ARPP21: variants seen among roughly 807,000 people sequenced by gnomAD.
ARPP21 encodes the protein cAMP-regulated phosphoprotein 21.
A neutral mutation model predicts 113.2 loss-of-function variants in ARPP21; 69 were observed. That is an observed-to-expected ratio of 0.61 (90% confidence interval 0.50 to 0.74). The LOEUF (loss-of-function observed/expected upper bound fraction) is 0.74. ARPP21 is among the 30% of genes least tolerant of loss of function. The pLI, the probability that ARPP21 is intolerant of heterozygous loss-of-function variation, is 0.00. For missense variants in ARPP21, 1,070 were observed against 1,037.4 expected (o/e 1.03, Z -0.43); for synonymous variants, 368 against 375.5 (o/e 0.98, Z 0.23).
At chr3:35,784,160 A>G (rs1435775034) in intron 19 of ARPP21, among the ~76,000 whole-genome samples, 1 of 152,222 alleles carries the variant, frequency 6.6e-6, no homozygotes, top group Non-Finnish European at 1.5e-5. Flanking sequence ...TTTTATACCA[A>G]GTGGCAAGAA....
intron 19 of ARPP21, among the ~76,000 whole-genome samples, chr3:35,746,645 T>C (rs2095073293): frequency 6.6e-6 from 1 of 152,334 alleles, no homozygotes; most frequent in East Asian, 1.9e-4. Flanking sequence ...CACCAGATTA[T>C]GTCATAACAT....
intron 14 of ARPP21, among the ~76,000 whole-genome samples, chr3:35,723,281 G>C (rs1322936069): frequency 6.6e-6 from 1 of 152,124 alleles, no homozygotes; most frequent in South Asian, 2.1e-4. Context: ...TTTGCTAATG[G>C]TTTAACATAA....
chr3:35,783,020 A>G (rs556381888), intron 19 of ARPP21, among the ~76,000 whole-genome samples: 14 of 152,230 alleles, frequency 9.2e-5, no homozygotes, highest in South Asian at 2.1e-4. Flanking sequence ...CAGTTCTGCA[A>G]CTGTGGTCAT....
chr3:35,690,715 C>A, intron 8 of ARPP21, 150 bp from the exon 9 acceptor site: 1 of 653,984 alleles, frequency 1.5e-6, no homozygotes, highest in Non-Finnish European at 2.4e-6. Context: ...GAAAATTTTT[C>A]TAGAAATTAG....
intron 1 of ARPP21, among the ~76,000 whole-genome samples, chr3:35,678,018 G>A (rs1286026188): frequency 2.6e-5 from 4 of 151,874 alleles, no homozygotes; most frequent in Non-Finnish European, 4.4e-5. Flanking sequence ...ATAATACCTC[G>A]CTGACTTTAG....
intron 13 of ARPP21, among the ~76,000 whole-genome samples, chr3:35,719,196 A>G (rs1576271706): frequency 6.6e-6 from 1 of 152,166 alleles, no homozygotes; most frequent in African/African-American, 2.4e-5. Flanking sequence ...TTGGAATTCA[A>G]TACTGGACCG....
intron 15 of ARPP21, among the ~76,000 whole-genome samples, chr3:35,734,416 T>TCTACG (rs1284656358): frequency 6.6e-6 from 1 of 152,138 alleles, no homozygotes; most frequent in East Asian, 1.9e-4. Context: ...ATAAAATGCA[T>TCTACG]CTACGTGATA....
At chr3:35,737,419 G>C in intron 16 of ARPP21, 57 bp downstream of exon 16, 4 of 1,189,704 alleles carry the variant, frequency 3.4e-6, no homozygotes, top group Non-Finnish European at 4.8e-6. Context: ...AGGCTACATA[G>C]TCCTCAGAGC....
chr3:35,738,200 T>G lies in ARPP21; in HGVS notation c.1645-14T>G, dbSNP rs1481535853. On this transcript the variant is annotated splice_polypyrimidine_tract_variant and intron_variant, in intron 16 of 20. Coordinates refer to ENST00000684406, the MANE Select transcript of ARPP21 (RefSeq NM_001385562.1). ...TGCTTTTCTGTCAGCTGATCAATTT[T>G]TTCTTTCCTCCAGTCTGTCCAGGGG... is the stretch of plus-strand genomic sequence containing the variant. 1.7e-5 allele frequency: 25 copies of G among 1,503,122 alleles called. No homozygotes were observed. Among genetic ancestry groups the G allele is most frequent in the Non-Finnish European group, 2.2e-5 (25 of 1,116,462 alleles). The allele number at this position is 1,503,122 out of a possible 1,614,324, so 93.1% of individuals were successfully genotyped here. A position where few individuals can be genotyped will look rare whatever the true frequency, so the allele number is the denominator to read the frequency against.
intron 9 of ARPP21, among the ~76,000 whole-genome samples, chr3:35,700,751 A>T (rs577044424): frequency 6.6e-6 from 1 of 151,846 alleles, no homozygotes; most frequent in Non-Finnish European, 1.5e-5. Flanking sequence ...TATTGAACCA[A>T]ATATCACATT....
intron 19 of ARPP21, among the ~76,000 whole-genome samples, chr3:35,747,509 G>A (rs141912297): frequency 0.012 from 1,769 of 152,244 alleles, 18 homozygotes; most frequent in Middle Eastern, 0.02. Flanking sequence ...AGAAGAATCC[G>A]TTTATTGCCA....
At chr3:35,659,810 G>A (rs568034061) in intron 1 of ARPP21, among the ~76,000 whole-genome samples, 1 of 152,348 alleles carries the variant, frequency 6.6e-6, no homozygotes, top group South Asian at 2.1e-4. Context: ...AAGGTGGCTG[G>A]TGTGTTGTTC....
chr3:35,689,057 G>A (rs2081469927), intron 6 of ARPP21, among the ~76,000 whole-genome samples: 1 of 151,502 alleles, frequency 6.6e-6, no homozygotes, highest in Non-Finnish European at 1.5e-5. Context: ...CCCAGACTGT[G>A]CCCACTTCCC....
chr3:35,787,555 C>T (rs948416625), intron 19 of ARPP21, among the ~76,000 whole-genome samples: 1 of 152,160 alleles, frequency 6.6e-6, no homozygotes, highest in Non-Finnish European at 1.5e-5. Flanking sequence ...TGGTGTTTCG[C>T]TCTCTAAGTA....
chr3:35,781,303 G>C (rs1321462675), intron 19 of ARPP21: 1 of 152,182 alleles, frequency 6.6e-6, no homozygotes, highest in African/African-American at 2.4e-5. Context: ...AAGTTAACGA[G>C]TGAATGATTT....
intron 3 of ARPP21, among the ~76,000 whole-genome samples, chr3:35,682,237 C>G (rs1480738969): frequency 2.0e-5 from 3 of 151,816 alleles, no homozygotes; most frequent in Non-Finnish European, 4.4e-5. Context: ...AAGATGAAGA[C>G]TCAATTCATG....
rs1442885133 is a variant in ARPP21 at position 35,707,489 on chromosome 3, CA to C, written c.795+409del. On this transcript the variant is annotated intron_variant, in intron 10 of 20. Transcript: ENST00000684406. ...TTGTGCACAAATTGAGCTGGATTAT[CA>C]ATACGGACCGATGATCAACCGGTGT... The C allele has an allele frequency of 1.5e-5, 7 of 463,522 alleles. No homozygotes were observed. In the East Asian group the frequency reaches 4.8e-4, roughly 31 times the overall value. 28.7% of individuals were successfully genotyped at this position (463,522 alleles called of 1,614,324 possible).
chr3:35,734,710 G>A (rs1559786450), intron 15 of ARPP21, among the ~76,000 whole-genome samples: 1 of 152,182 alleles, frequency 6.6e-6, no homozygotes, highest in African/African-American at 2.4e-5. Flanking sequence ...TGAAGTTAAG[G>A]CTTTTGCTCT....
chr3:35,768,886 T>C (rs2096085163), intron 19 of ARPP21, among the ~76,000 whole-genome samples: 1 of 152,190 alleles, frequency 6.6e-6, no homozygotes, highest in South Asian at 2.1e-4. Context: ...ACAGGCATAG[T>C]TTACTAAAGA....
Sources: allele counts gnomAD v4.1 joint callset (sites outside exome capture counted in the v4.1 genomes callset), GRCh38; gene constraint gnomAD v4.1.1; transcripts MANE v1.5; gene names NCBI Gene and HGNC (gene_info 2026-07-23, HGNC 2026-07-21).